MARCHF1: variants seen among roughly 807,000 people sequenced by gnomAD.
MARCHF1 encodes E3 ubiquitin-protein ligase MARCHF1.
MARCHF1 carries 40 observed loss-of-function variants against 54.2 expected under a neutral mutation model. The ratio of observed to expected loss-of-function variants is 0.74; its 90% CI spans 0.57 to 0.96. The LOEUF is 0.96. Among genes scored for constraint, MARCHF1 ranks in the 40% least tolerant of loss-of-function variants. MARCHF1 has a pLI of 0.00. For missense variants in MARCHF1, 586 were observed against 656.5 expected, an observed-to-expected ratio of 0.89 and a Z score of 1.17; for synonymous variants, 236 against 236.3, an observed-to-expected ratio of 1.00 and a Z score of 0.01.
At chr4:164,188,504 T>C in intron 1 of MARCHF1, 1 of 686,528 alleles carries the variant, frequency 1.5e-6, no homozygotes, top group Admixed American at 2.0e-5. Context: ...CTGCTGCGTC[T>C]GTGTGTTCAA....
chr4:164,235,001 C>T (rs1421667423), intron 1 of MARCHF1: 1 of 152,056 alleles, frequency 6.6e-6, no homozygotes, highest in Non-Finnish European at 1.5e-5. Context: ...ACTTTTGTCA[C>T]CCTTTTTATG....
chr4:164,014,513 G>A (rs1380423212), intron 2 of MARCHF1, among the ~76,000 whole-genome samples: 1 of 152,058 alleles, frequency 6.6e-6, no homozygotes, highest in Non-Finnish European at 1.5e-5. Flanking sequence ...CCACAAAACA[G>A]ATAACAGAAT....
intron 1 of MARCHF1, among the ~76,000 whole-genome samples, chr4:164,120,640 T>C (rs754612539): frequency 1.3e-5 from 2 of 152,108 alleles, no homozygotes; most frequent in Non-Finnish European, 2.9e-5. Flanking sequence ...CATCCTCTCT[T>C]ACCACAACTG....
At chr4:163,869,555 T>C (rs1193269878) in intron 3 of MARCHF1, among the ~76,000 whole-genome samples, 1 of 152,042 alleles carries the variant, frequency 6.6e-6, no homozygotes, top group African/African-American at 2.4e-5. Context: ...AAACACAAAT[T>C]ATATGTTGCT....
At chr4:163,991,659 C>T (rs146318163) in intron 2 of MARCHF1, among the ~76,000 whole-genome samples, 223 of 152,268 alleles carry the variant, frequency 1.5e-3, no homozygotes, top group African/African-American at 5.3e-3. Context: ...AATCATTCAG[C>T]TCAGCTGCAT....
chr4:163,867,026 A>G (rs1163280582), intron 3 of MARCHF1, among the ~76,000 whole-genome samples: 1 of 151,906 alleles, frequency 6.6e-6, no homozygotes, highest in Admixed American at 6.6e-5. Context: ...ATCATCACTC[A>G]CATGACTCAG....
intron 2 of MARCHF1, among the ~76,000 whole-genome samples, chr4:164,072,527 C>T (rs894338653): frequency 4.0e-5 from 6 of 151,716 alleles, no homozygotes; most frequent in South Asian, 4.2e-4. Context: ...TGCCACCACA[C>T]GCCAGCCTAG....
At chr4:164,300,283 C>T (rs940421709) in intron 1 of MARCHF1, among the ~76,000 whole-genome samples, 6 of 152,046 alleles carry the variant, frequency 3.9e-5, no homozygotes, top group Admixed American at 6.6e-5. Context: ...AAATCATACA[C>T]GTGGCTGACT....
Position 163,594,759 on chromosome 4 carries a change from A to AACAC in MARCHF1, c.1011-8834_1011-8831dup, listed in dbSNP as rs3080975. Among the ~76,000 whole-genome samples, 604 of 65,692 alleles carry AACAC rather than the reference A, an allele frequency of 9.2e-3. 4 individuals carry two copies. Among genetic ancestry groups the AACAC allele is most frequent in the African/African-American group, 0.02 (487 of 24,616 alleles). The allele number at this position is 65,692 out of a possible 152,430, so 43.1% of individuals were successfully genotyped here. A position where few individuals can be genotyped will look rare whatever the true frequency, so the allele number is the denominator to read the frequency against. Reference sequence around the variant, plus strand: ...TCAGAATGGCTATTATCAAAACACAAACACACACACACACACACACACACA... The same window carrying AACAC: ...TCAGAATGGCTATTATCAAAACACAAACACACACACACACACACACACACACACA... On this transcript the variant is annotated intron_variant, in intron 7 of 9. Coordinates refer to ENST00000514618, the MANE Select transcript of MARCHF1 (RefSeq NM_001394959.1).
At chr4:163,862,344 C>G (rs1020337047) in intron 3 of MARCHF1, among the ~76,000 whole-genome samples, 5 of 151,866 alleles carry the variant, frequency 3.3e-5, no homozygotes, top group African/African-American at 9.7e-5. Flanking sequence ...ATACAAAGAA[C>G]TCTTAAAACT....
Position 164,347,691 on chromosome 4 carries a change from T to C in MARCHF1, c.-323+36179A>G, listed in dbSNP as rs936404686. ...GTTACAACTCTTAATAGCTTTTTAG[T>C]GGAGAACAGTACTGAGGAAAAATTG... On this transcript the variant is annotated intron_variant, in intron 1 of 9. Transcript: ENST00000514618. Among the ~76,000 whole-genome samples, 5 of 152,132 alleles carry C rather than the reference T, an allele frequency of 3.3e-5. No individual in the cohort carries two copies. In the East Asian group the frequency reaches 9.6e-4, roughly 29 times the overall value.
intron 8 of MARCHF1, among the ~76,000 whole-genome samples, chr4:163,571,869 T>C (rs544194980): frequency 6.6e-6 from 1 of 152,120 alleles, no homozygotes; most frequent in Non-Finnish European, 1.5e-5. Flanking sequence ...GCAGAAGAGC[T>C]TTGCTGTCAC....
chr4:164,065,679 C>A (rs1247684597), intron 2 of MARCHF1, among the ~76,000 whole-genome samples: 1 of 152,098 alleles, frequency 6.6e-6, no homozygotes, highest in Non-Finnish European at 1.5e-5. Context: ...AAGAAAGAAG[C>A]CACTAGTGAC....
chr4:164,317,840 C>G (rs1735039208), intron 1 of MARCHF1, among the ~76,000 whole-genome samples: 1 of 152,112 alleles, frequency 6.6e-6, no homozygotes, highest in Admixed American at 6.6e-5. Context: ...GGCTGAGGGC[C>G]TACTAAACAT....
Position 163,644,760 on chromosome 4 carries a change from C to T in MARCHF1, c.163-31367G>A, listed in dbSNP as rs569530456. ...GCTTGAGAGCAGTTCTGTCCATGAA[C>T]GGACCTGAAAGGTCCATAGATGGTT... On this transcript the variant is annotated intron_variant, in intron 5 of 9. Coordinates refer to ENST00000514618, the MANE Select transcript of MARCHF1 (RefSeq NM_001394959.1). 3.3e-5 allele frequency among the ~76,000 whole-genome samples: 5 copies of T among 152,298 alleles called. No homozygotes were observed. The South Asian group carries it at 8.3e-4, about 25-fold the overall frequency.
At chr4:163,709,763 G>A (rs1283445637) in intron 4 of MARCHF1, among the ~76,000 whole-genome samples, 1 of 152,166 alleles carries the variant, frequency 6.6e-6, no homozygotes, top group Non-Finnish European at 1.5e-5. Flanking sequence ...CCATGTGATG[G>A]TAAGAAAATC....
intron 2 of MARCHF1, among the ~76,000 whole-genome samples, chr4:164,066,990 C>T (rs1056682137): frequency 2.0e-5 from 3 of 151,744 alleles, no homozygotes; most frequent in African/African-American, 7.3e-5. Flanking sequence ...GCTTATGTAA[C>T]AAACCTGCAC....
At chr4:164,113,282 T>C (rs1322146874) in intron 1 of MARCHF1, among the ~76,000 whole-genome samples, 2 of 151,932 alleles carry the variant, frequency 1.3e-5, no homozygotes, top group Non-Finnish European at 1.5e-5. Flanking sequence ...TTGTTATTGG[T>C]TGGATGAAAG....
intron 3 of MARCHF1, among the ~76,000 whole-genome samples, chr4:163,906,476 A>T (rs1751069012): frequency 6.6e-6 from 1 of 151,940 alleles, no homozygotes; most frequent in South Asian, 2.1e-4. Flanking sequence ...TTTTTTTTCA[A>T]ATACAAAATT....
Sources: gnomAD v4.1 joint callset for allele counts (sites outside exome capture counted in the v4.1 genomes callset) on GRCh38, gnomAD v4.1.1 for gene constraint, MANE v1.5 for transcripts, NCBI Gene and HGNC (gene_info 2026-07-23, HGNC 2026-07-21) for gene names.